Variants in FOXP1 observed in about 807,000 individuals in gnomAD.
FOXP1 encodes forkhead box P1, also known as forkhead box protein P1.
Under a neutral mutation model 98.2 loss-of-function variants are expected in FOXP1, and 15 were observed. The observed-to-expected ratio is 0.15, with a 90% CI of 0.10 to 0.24. FOXP1 has a LOEUF of 0.24. Ranked by LOEUF, FOXP1 falls within the 10% of genes least tolerant of loss-of-function variation. FOXP1 has a pLI of 1.00. For synonymous variants in FOXP1, 371 were observed against 314.5 expected (o/e 1.18, Z -1.90); for missense variants, 633 against 848.5 (o/e 0.75, Z 3.15).
At chr3:71,317,398 C>T (rs779414630) in intron 4 of FOXP1, among the ~76,000 whole-genome samples, 29 of 152,068 alleles carry the variant, frequency 1.9e-4, no homozygotes, top group East Asian at 3.8e-4. Flanking sequence ...AATGGGAATT[C>T]GCACAGGCGG....
At chr3:70,963,193 T>C (rs1438583610) in intron 20 of FOXP1, among the ~76,000 whole-genome samples, 1 of 152,192 alleles carries the variant, frequency 6.6e-6, no homozygotes, top group Non-Finnish European at 1.5e-5. Flanking sequence ...TCCCAGTGCC[T>C]CATGCAGAGT....
At chr3:71,285,173 G>A (rs773487964) in intron 5 of FOXP1, among the ~76,000 whole-genome samples, 6 of 152,182 alleles carry the variant, frequency 3.9e-5, no homozygotes, top group Middle Eastern at 3.4e-3. Context: ...CACGCAGTTC[G>A]AATCAATTAG....
chr3:71,376,215 A>G (rs1473632564), intron 3 of FOXP1, among the ~76,000 whole-genome samples: 1 of 152,062 alleles, frequency 6.6e-6, no homozygotes, highest in African/African-American at 2.4e-5. Flanking sequence ...CTCACAAACC[A>G]CTGGAGTAAG....
chr3:71,403,996 T>G (rs1395796436), intron 3 of FOXP1, among the ~76,000 whole-genome samples: 3 of 151,822 alleles, frequency 2.0e-5, no homozygotes, highest in Non-Finnish European at 4.4e-5. Context: ...TTAACATGAA[T>G]GATAACAAAA....
chr3:71,292,689 A>C (rs1175093237), intron 5 of FOXP1: 1 of 152,168 alleles, frequency 6.6e-6, no homozygotes, highest in African/African-American at 2.4e-5. Context: ...CAAAACATCT[A>C]ATTACCTTTA....
At chr3:71,155,678 C>T (rs758708873) in intron 6 of FOXP1, among the ~76,000 whole-genome samples, 6 of 152,224 alleles carry the variant, frequency 3.9e-5, no homozygotes, top group Admixed American at 6.5e-5. Context: ...GATTTAGATA[C>T]AACCCAAGCC....
intron 14 of FOXP1, among the ~76,000 whole-genome samples, chr3:70,981,229 A>AAAAT (rs1371716264): frequency 2.0e-5 from 3 of 151,648 alleles, no homozygotes; most frequent in African/African-American, 7.3e-5. Context: ...GCAACAGCGA[A>AAAAT]AAATAAAATC....
chr3:71,479,104 G>C (rs540529630), intron 3 of FOXP1, among the ~76,000 whole-genome samples: 1 of 152,170 alleles, frequency 6.6e-6, no homozygotes, highest in Non-Finnish European at 1.5e-5. Flanking sequence ...TAACTTTTAC[G>C]TCACTTGCAC....
At chr3:71,190,629 C>A (rs1330593442) in intron 6 of FOXP1, among the ~76,000 whole-genome samples, 1 of 137,414 alleles carries the variant, frequency 7.3e-6, no homozygotes, top group East Asian at 2.0e-4. Flanking sequence ...CCGAGCTAGA[C>A]CCCATCTCCA....
intron 13 of FOXP1, among the ~76,000 whole-genome samples, chr3:70,992,157 T>C (rs2040701232): frequency 6.6e-6 from 1 of 152,168 alleles, no homozygotes; most frequent in Non-Finnish European, 1.5e-5. Flanking sequence ...ACAGTGAGGC[T>C]TGGAAGTAGG....
intron 2 of FOXP1, among the ~76,000 whole-genome samples, chr3:71,569,271 A>G (rs1559542278): frequency 6.6e-6 from 1 of 152,226 alleles, no homozygotes; most frequent in Non-Finnish European, 1.5e-5. Context: ...CTTATGAAAG[A>G]GCAGTTCCGT....
At chr3:71,002,202 G>A (rs1445275335) in intron 12 of FOXP1, among the ~76,000 whole-genome samples, 1 of 152,134 alleles carries the variant, frequency 6.6e-6, no homozygotes, top group East Asian at 1.9e-4. Context: ...CTTTGTTAAT[G>A]CATCCCCTCT....
chr3:71,424,785 C>G (rs541956144), intron 3 of FOXP1, among the ~76,000 whole-genome samples: 86 of 152,334 alleles, frequency 5.6e-4, no homozygotes, highest in Non-Finnish European at 1.1e-3. Context: ...TGGCTTCTGT[C>G]AGCAAAAGTG....
Position 71,198,247 on chromosome 3 carries a change from G to A in FOXP1, c.135C>T (p.Asp45=), listed in dbSNP as rs749307402. The change falls in exon 6 of 21, where the codon GAC becomes GAT. Residue 45 remains aspartate (D), a synonymous_variant. Coordinates refer to ENST00000649528, the MANE Select transcript of FOXP1 (RefSeq NM_001349338.3). ...CGTGGGCGAGGTCAGCTGCCCCGAT[G>A]TCCACGGCCGGCGTCTCTCCGTTGG... ...GRSNGETPAV[D]IGAADLAHAQ... is the part of the protein sequence containing the mutation. 5 of 1,614,140 alleles carry A rather than the reference G, an allele frequency of 3.1e-6. No homozygotes were observed. Among genetic ancestry groups the A allele is most frequent in the Non-Finnish European group, 4.2e-6 (5 of 1,180,048 alleles).
intron 3 of FOXP1, among the ~76,000 whole-genome samples, chr3:71,381,243 C>T (rs962543104): frequency 2.0e-5 from 3 of 151,246 alleles, no homozygotes; most frequent in Non-Finnish European, 2.9e-5. Flanking sequence ...CTCCGCCTCC[C>T]GGGTTCACGC....
chr3:71,041,315 G>A lies in FOXP1; in HGVS notation c.869+13C>T. The A allele has an allele frequency of 1.2e-6, 2 of 1,611,666 alleles. No individual in the cohort carries two copies. Among genetic ancestry groups the A allele is most frequent in the Non-Finnish European group, 1.7e-6 (2 of 1,178,562 alleles). On this transcript the variant is annotated intron_variant, in intron 11 of 20. Transcript: ENST00000649528. ...AAGGCAGTTTTGGACCCATCTCAGT[G>A]GCTGGTTCCTACCTTTCCCTTTTGG...
intron 4 of FOXP1, among the ~76,000 whole-genome samples, chr3:71,329,345 C>A (rs1246643653): frequency 2.0e-5 from 3 of 151,994 alleles, no homozygotes; most frequent in Non-Finnish European, 1.5e-5. Flanking sequence ...CCTCAGCCTT[C>A]CGAGTAGCTG....
At chr3:71,317,674 TA>T (rs140135096) in intron 4 of FOXP1, among the ~76,000 whole-genome samples, 30,012 of 151,958 alleles carry the variant, frequency 0.2, 3,112 homozygotes, top group African/African-American at 0.21. Flanking sequence ...ATTTTTTTTT[TA>T]ATTAATCTTC....
intron 13 of FOXP1, among the ~76,000 whole-genome samples, chr3:71,000,509 C>T (rs1446233868): frequency 2.0e-5 from 3 of 152,158 alleles, no homozygotes; most frequent in South Asian, 4.1e-4. Flanking sequence ...TGGTCTCGCT[C>T]GCTCTTTCTC....
Sources: allele counts gnomAD v4.1 joint callset (sites outside exome capture counted in the v4.1 genomes callset), GRCh38; gene constraint gnomAD v4.1.1; transcripts MANE v1.5; gene names NCBI Gene and HGNC (gene_info 2026-07-23, HGNC 2026-07-21).